The following RAB36 variants were observed in gnomAD, a reference collection of about 807,000 sequenced individuals.
The protein encoded by RAB36 is ras-related protein Rab-36.
A neutral mutation model predicts 39.3 loss-of-function variants in RAB36; 33 were observed. The observed-to-expected ratio is 0.84, with a 90% CI of 0.64 to 1.12. The LOEUF (loss-of-function observed/expected upper bound fraction) is 1.12, where lower values mean the gene tolerates loss of function less well. Among genes scored for constraint, RAB36 ranks in the 50% most tolerant of loss-of-function variants. The pLI is 0.00. For missense variants in RAB36, 308 were observed against 355.3 expected, an observed-to-expected ratio of 0.87 and a Z score of 1.07; for synonymous variants, 133 against 140.2, an observed-to-expected ratio of 0.95 and a Z score of 0.36.
intron 9 of RAB36, among the ~76,000 whole-genome samples, chr22:23,160,283 A>C (rs1301570436): frequency 1.3e-5 from 2 of 152,146 alleles, no homozygotes; most frequent in Non-Finnish European, 2.9e-5. Context: ...TATCAGAGTA[A>C]CAGTGAGTTC....
intron 5 of RAB36, 120 bp from the exon 6 acceptor site, chr22:23,155,848 C>T (rs2071417031): frequency 1.2e-6 from 1 of 832,068 alleles, no homozygotes. Context: ...CTTCCTGAAG[C>T]CCATGCAGCT....
rs5996472 is a variant in RAB36, at chr22:23,157,579, G to C, written c.395-413G>C. 5.0e-3 allele frequency among the ~76,000 whole-genome samples: 766 copies of C among 152,298 alleles called. 7 individuals carry two copies. The highest frequency in any genetic ancestry group is 0.017 in the African/African-American group (723 of 41,556). ...TGGCGACTAACAGCTTTTTAAAACA[G>C]CTGCTCTTGTTTAATCCTCACAGCA... On this transcript the variant is annotated intron_variant, in intron 6 of 10. Coordinates refer to ENST00000263116, the MANE Select transcript of RAB36 (RefSeq NM_004914.5).
intron 5 of RAB36, chr22:23,153,752 A>G (rs1248902295): frequency 6.6e-6 from 4 of 606,318 alleles, no homozygotes; most frequent in African/African-American, 2.4e-5. Context: ...GCTGGAGTGC[A>G]GTGGCGCAAT....
In RAB36 at chr22:23,164,477, C is replaced by T. The variant is rs1292675875; in HGVS notation, c.*2913C>T. Reference sequence around the variant, plus strand: ...GAAACGCAAGGGGCTCAGTTGTCCCCCCACCCCAAGTTGATGCAGCATCTT... The same window carrying T: ...GAAACGCAAGGGGCTCAGTTGTCCCTCCACCCCAAGTTGATGCAGCATCTT... On this transcript the variant is annotated 3_prime_UTR_variant, in exon 11 of 11. Transcript: ENST00000263116. 1 of 152,202 alleles carries T rather than the reference C, an allele frequency of 6.6e-6. No homozygotes were observed. The highest frequency in any genetic ancestry group is 1.5e-5 in the Non-Finnish European group (1 of 68,042). The allele number at this position is 152,202 out of a possible 1,614,324, so 9.4% of individuals were successfully genotyped here. A position where few individuals can be genotyped will look rare whatever the true frequency, so the allele number is the denominator to read the frequency against.
In RAB36 at chr22:23,156,017, T is replaced by C. The variant is rs1228420026; in HGVS notation, c.379T>C (p.Tyr127His). 2 of 1,612,724 alleles carry C rather than the reference T, an allele frequency of 1.2e-6. No individual in the cohort carries two copies. Among genetic ancestry groups the C allele is most frequent in the Non-Finnish European group, 1.7e-6 (2 of 1,179,352 alleles). Reference protein sequence around the residue: ...EKFKCIASAYYRGAQVIITAF... With the variant: ...EKFKCIASAYHRGAQVIITAF... ...GTTCAAGTGCATCGCATCTGCCTACTACCGGGGTGCCCAGGGTGAGCAACA... is the reference window on the plus strand; with the variant it reads ...GTTCAAGTGCATCGCATCTGCCTACCACCGGGGTGCCCAGGGTGAGCAACA... The change falls in exon 6 of 11, where the codon TAC becomes CAC. Residue 127 changes from tyrosine to histidine, a missense_variant. Tyr to His is a moderately conservative substitution (Grantham distance 83). Transcript: ENST00000263116.
Position 23,163,369 on chromosome 22 carries a change from A to G in RAB36, c.*1805A>G, listed in dbSNP as rs934501608. On this transcript the variant is annotated 3_prime_UTR_variant, in exon 11 of 11. Coordinates refer to ENST00000263116, the MANE Select transcript of RAB36 (RefSeq NM_004914.5). ...CTCAGCCTCCCGAGTAGCTGGGACT[A>G]CAGGCACGTGTGACCATGCCGGGCT... 2 of 152,552 alleles carry G rather than the reference A, an allele frequency of 1.3e-5. No individual in the cohort carries two copies. The highest frequency in any genetic ancestry group is 2.4e-5 in the African/African-American group (1 of 41,402). 9.4% of individuals were successfully genotyped at this position (152,552 alleles called of 1,614,324 possible). A position where few individuals can be genotyped will look rare whatever the true frequency, so the allele number is the denominator to read the frequency against.
At chr22:23,157,425 G>A (rs372506083) in intron 6 of RAB36, among the ~76,000 whole-genome samples, 1 of 151,810 alleles carries the variant, frequency 6.6e-6, no homozygotes, top group Non-Finnish European at 1.5e-5. Context: ...TAATTTTTTT[G>A]TGTGTGTGTA....
chr22:23,153,273 T>G, intron 5 of RAB36, 139 bp downstream of exon 5: 2 of 693,756 alleles, frequency 2.9e-6, no homozygotes, highest in Non-Finnish European at 4.9e-6. Flanking sequence ...GTGTGACACT[T>G]AGCTTCCTGG....
At chr22:23,158,577 C>T (rs916901247) in intron 7 of RAB36, among the ~76,000 whole-genome samples, 2 of 152,210 alleles carry the variant, frequency 1.3e-5, no homozygotes, top group South Asian at 2.1e-4. Flanking sequence ...TTCCAAACCC[C>T]GTGAGGGAGG....
chr22:23,145,633 G>A, intron 1 of RAB36, 82 bp downstream of exon 1: 5 of 1,431,730 alleles, frequency 3.5e-6, no homozygotes, highest in Non-Finnish European at 4.7e-6. Context: ...GGCCGCGAGG[G>A]CACAGCGTCC....
At chr22:23,168,082 G>T (rs1271594544), downstream of RAB36, among the ~76,000 whole-genome samples, 1 of 152,010 alleles carries the variant, frequency 6.6e-6, no homozygotes, top group Non-Finnish European at 1.5e-5. Context: ...ATTCTTACTT[G>T]TTCATGCATT....
At chr22:23,168,777 G>A (rs1229838620), downstream of RAB36, among the ~76,000 whole-genome samples, 1 of 152,208 alleles carries the variant, frequency 6.6e-6, no homozygotes, top group African/African-American at 2.4e-5. Flanking sequence ...AGGAAGGTGA[G>A]GGAGCAGGCA....
At chr22:23,165,750 C>T (rs1461961600), downstream of RAB36, among the ~76,000 whole-genome samples, 2 of 152,172 alleles carry the variant, frequency 1.3e-5, no homozygotes, top group Non-Finnish European at 2.9e-5. Context: ...AATGGCCTCC[C>T]TCATATGAGT....
chr22:23,150,301 TTTC>T, intron 3 of RAB36, 147 bp downstream of exon 3: 10 of 639,388 alleles, frequency 1.6e-5, no homozygotes, highest in South Asian at 1.9e-5. Context: ...TTCTTTTTTT[TTTC>T]TTTTTTTTTT....
intron 10 of RAB36, 81 bp downstream of exon 10, chr22:23,161,079 G>A (rs5759614): frequency 0.5 from 740,914 of 1,484,752 alleles, 186,451 homozygotes; most frequent in East Asian, 0.63. Context: ...GTCACCTGAG[G>A]CCTTGCCATT....
intron 3 of RAB36, 65 bp downstream of exon 3, chr22:23,150,219 G>C: frequency 7.8e-7 from 1 of 1,284,362 alleles, no homozygotes; most frequent in Non-Finnish European, 1.1e-6. Flanking sequence ...TGAAGCACGT[G>C]AAAGAATGAA....
intron 8 of RAB36, 62 bp from the exon 9 acceptor site, chr22:23,159,096 GCCTAT>G: frequency 1.9e-6 from 3 of 1,590,508 alleles, no homozygotes; most frequent in Non-Finnish European, 2.6e-6. Context: ...GCAGGCAGCT[GCCTAT>G]CCCCCTGGGC....
rs71744650 is a variant in RAB36, at chr22:23,163,606, G to GCCCCCCCCCCC, written c.*2052_*2053insCCCCCCCCCCC. ...AAAGCATATAAAATACAAGGTGAAA[G>GCCCCCCCCCCC]CCCCCCCCCCGCCACATTAGCTGCG... On this transcript the variant is annotated 3_prime_UTR_variant, in exon 11 of 11. Coordinates refer to ENST00000263116, the MANE Select transcript of RAB36 (RefSeq NM_004914.5). The GCCCCCCCCCCC allele has an allele frequency of 2.0e-4, 25 of 125,208 alleles. No individual in the cohort carries two copies. Among genetic ancestry groups the GCCCCCCCCCCC allele is most frequent in the Non-Finnish European group, 3.9e-4 (22 of 55,724 alleles). 7.8% of individuals were successfully genotyped at this position (125,208 alleles called of 1,614,324 possible).
chr22:23,152,184 C>T (rs974533412), intron 3 of RAB36, among the ~76,000 whole-genome samples: 5 of 152,222 alleles, frequency 3.3e-5, no homozygotes, highest in African/African-American at 9.6e-5. Context: ...ACCTGTGACT[C>T]GGCCTCTTGT....
Sources: gnomAD v4.1 joint callset for allele counts (sites outside exome capture counted in the v4.1 genomes callset) on GRCh38, gnomAD v4.1.1 for gene constraint, MANE v1.5 for transcripts, NCBI Gene and HGNC (gene_info 2026-07-23, HGNC 2026-07-21) for gene names.